Variants in PPP6R1 observed in about 807,000 individuals in gnomAD.
PPP6R1 encodes serine/threonine-protein phosphatase 6 regulatory subunit 1.
PPP6R1 carries 39 observed loss-of-function variants against 104.6 expected under a neutral mutation model. That is an observed-to-expected ratio of 0.37 (90% CI 0.29 to 0.49). The LOEUF (loss-of-function observed/expected upper bound fraction) is 0.49. Ranked by LOEUF, PPP6R1 falls within the 20% of genes least tolerant of loss-of-function variation. The pLI, the probability that PPP6R1 is intolerant of heterozygous loss-of-function variation, is 0.98. For missense variants in PPP6R1, 1,181 were observed against 1,155.8 expected (o/e 1.02, Z -0.32); for synonymous variants, 549 against 479.0 (o/e 1.15, Z -1.91).
At chr19:55,246,828 T>G (rs1600113775) in intron 2 of PPP6R1, 49 bp downstream of exon 2, 2 of 1,433,000 alleles carry the variant, frequency 1.4e-6, no homozygotes, top group East Asian at 2.5e-5. Flanking sequence ...GTAGTGAAGG[T>G]ATGTGTGATG....
At chr19:55,249,027 T>C (rs2087532798) in intron 1 of PPP6R1, among the ~76,000 whole-genome samples, 1 of 152,182 alleles carries the variant, frequency 6.6e-6, no homozygotes, top group African/African-American at 2.4e-5. Flanking sequence ...AATCTTGATA[T>C]AACACTATAT....
chr19:55,251,397 G>A (rs1382609333), intron 1 of PPP6R1, among the ~76,000 whole-genome samples: 2 of 152,158 alleles, frequency 1.3e-5, no homozygotes, highest in African/African-American at 4.8e-5. Context: ...CAGGCAGGAG[G>A]CTGCCGTACC....
rs561193762 is a variant in PPP6R1, at chr19:55,244,854, C to T, written c.618+266G>A. ...TGACCTCCCGGCTCAAGCAATCCTCCTACCTGAGCTTCCCAAGTAGCTGGG... is the reference window on the plus strand; with the variant it reads ...TGACCTCCCGGCTCAAGCAATCCTCTTACCTGAGCTTCCCAAGTAGCTGGG... On this transcript the variant is annotated intron_variant, in intron 5 of 23. Coordinates refer to ENST00000412770, the MANE Select transcript of PPP6R1 (RefSeq NM_014931.4). Among the ~76,000 whole-genome samples, 7 of 152,210 alleles carry T rather than the reference C, an allele frequency of 4.6e-5. No homozygotes were observed. The East Asian group carries it at 1.4e-3, about 29-fold the overall frequency.
chr19:55,235,819 ATT>A (rs568029383), intron 17 of PPP6R1, among the ~76,000 whole-genome samples: 1 of 137,818 alleles, frequency 7.3e-6, no homozygotes, highest in African/African-American at 2.7e-5. Flanking sequence ...TGCCCGGCTG[ATT>A]TTTTTTAATT....
intron 1 of PPP6R1, among the ~76,000 whole-genome samples, chr19:55,253,010 G>A (rs1380534300): frequency 1.3e-5 from 2 of 152,230 alleles, no homozygotes; most frequent in African/African-American, 4.8e-5. Context: ...CAGCCTGGCA[G>A]AGCTGAAGCT....
At chr19:55,242,119 C>T (rs1481482135) in intron 7 of PPP6R1, 47 bp downstream of exon 7, 12 of 1,561,646 alleles carry the variant, frequency 7.7e-6, no homozygotes, top group African/African-American at 1.4e-5. Flanking sequence ...GGCCGGAGAG[C>T]CCCTGGGGAT....
At position 55,230,417 on chromosome 19, in the gene PPP6R1, G is replaced by T; in HGVS notation, c.*111C>A. 3 of 1,484,100 alleles carry T rather than the reference G, an allele frequency of 2.0e-6. No individual in the cohort carries two copies. The highest frequency in any genetic ancestry group is 4.7e-5 in the East Asian group (2 of 42,452). The allele number at this position is 1,484,100 out of a possible 1,614,324, so 91.9% of individuals were successfully genotyped here. ...TGGGGGTCCAGAGGAGAGAATGTGG[G>T]GGTGTCAGGGTGATGAGGGCAATGG... On this transcript the variant is annotated 3_prime_UTR_variant, in exon 24 of 24. Transcript: ENST00000412770.
At chr19:55,239,181 C>T (rs2087425635) in intron 15 of PPP6R1, 2 of 567,652 alleles carry the variant, frequency 3.5e-6, no homozygotes, top group Non-Finnish European at 6.4e-6. Context: ...TGGCCTGCCT[C>T]TCGGAGAGAA....
chr19:55,240,185 C>T (rs2087439141), intron 11 of PPP6R1, 51 bp downstream of exon 11: 1 of 1,564,700 alleles, frequency 6.4e-7, no homozygotes, highest in African/African-American at 1.4e-5. Context: ...GCCCGGCCCC[C>T]CATCCAGGCA....
At chr19:55,234,441 G>A (rs2087376735) in intron 17 of PPP6R1, among the ~76,000 whole-genome samples, 1 of 152,206 alleles carries the variant, frequency 6.6e-6, no homozygotes. Flanking sequence ...AACAACTGGT[G>A]CAGGGAAAAC....
chr19:55,256,992 C>T lies in PPP6R1; in HGVS notation c.-7+1443G>A, dbSNP rs141573105. On this transcript the variant is annotated intron_variant, in intron 1 of 23. Transcript: ENST00000412770. ...GTCCAAGGTCTCGCTTGGCAGAAGC[C>T]GGACTCGGCCTAGGTCTGTCTGGCA... 2.6e-5 allele frequency among the ~76,000 whole-genome samples: 4 copies of T among 151,718 alleles called. No homozygotes were observed. In the East Asian group the frequency reaches 7.8e-4, roughly 29 times the overall value.
chr19:55,247,040 G>A lies in PPP6R1; in HGVS notation c.64C>T (p.Leu22=), dbSNP rs2087515277. The A allele has an allele frequency of 1.2e-6, 2 of 1,613,718 alleles. No homozygotes were observed. Among genetic ancestry groups the A allele is most frequent in the East Asian group, 2.2e-5 (1 of 44,886 alleles). Reference sequence around the variant, plus strand: ...TCGTCCAGCAGCTCGGGCAGGCTCAGGTCCTCCCGCTCCAGCAGCGTGTCC... The same window carrying A: ...TCGTCCAGCAGCTCGGGCAGGCTCAAGTCCTCCCGCTCCAGCAGCGTGTCC... ...HLDTLLERED[L]SLPELLDEED... The change falls in exon 2 of 24, where the codon CTG becomes TTG. Residue 22 remains leucine (L), a synonymous_variant. Coordinates refer to ENST00000412770, the MANE Select transcript of PPP6R1 (RefSeq NM_014931.4).
rs2087514797 is a variant in PPP6R1 at position 55,247,011 on chromosome 19, T to C, written c.93A>G (p.Glu31=). 2 of 1,613,880 alleles carry C rather than the reference T, an allele frequency of 1.2e-6. No homozygotes were observed. The highest frequency in any genetic ancestry group is 3.3e-5 in the Admixed American group (2 of 60,028). ...DLSLPELLDE[E]DVLQECKVVN... ...CGACCTTGCACTCCTGCAGCACGTC[T>C]TCCTCGTCCAGCAGCTCGGGCAGGC... Residue 31 remains glutamate (E), a synonymous_variant, in exon 2 of 24, where the codon GAA becomes GAG. Coordinates refer to ENST00000412770, the MANE Select transcript of PPP6R1 (RefSeq NM_014931.4).
chr19:55,252,473 A>G (rs569947314), intron 1 of PPP6R1, among the ~76,000 whole-genome samples: 4 of 147,772 alleles, frequency 2.7e-5, no homozygotes, highest in African/African-American at 1.0e-4. Flanking sequence ...ATCTCGGCTC[A>G]CTGCAATCTC....
Position 55,245,174 on chromosome 19 carries a change from C to T in PPP6R1, c.564G>A (p.Glu188=), listed in dbSNP as rs756342871. 3 of 1,613,128 alleles carry T rather than the reference C, an allele frequency of 1.9e-6. No individual in the cohort carries two copies. The highest frequency in any genetic ancestry group is 2.5e-6 in the Non-Finnish European group (3 of 1,179,626). Residue 188 remains glutamate (E), a synonymous_variant, in exon 5 of 24, where the codon GAG becomes GAA. Transcript: ENST00000412770. The surrounding 1 kb of genome is among the most constrained non-coding windows in gnomAD (Gnocchi z 6.4). ...CAATCAGCCGCTGGACGATCTTCTC[C>T]TCGTTGAGCCACTGAGGGTGAGAAG... is the stretch of plus-strand genomic sequence containing the variant. ...LRQDVVNWLN[E]EKIVQRLIEQ...
At chr19:55,244,576 C>T (rs535844532) in intron 5 of PPP6R1, among the ~76,000 whole-genome samples, 1 of 152,322 alleles carries the variant, frequency 6.6e-6, no homozygotes, top group South Asian at 2.1e-4. Context: ...ATGAGGAGGG[C>T]CCCTCCCTGC....
Position 55,241,086 on chromosome 19 carries a change from G to A in PPP6R1, c.1162-7C>T. ...CATAATGGAAGAAGAGGTCCTATGGGAGGACACAGGATTGGTACCAGAGAG... is the reference window on the plus strand; with the variant it reads ...CATAATGGAAGAAGAGGTCCTATGGAAGGACACAGGATTGGTACCAGAGAG... On this transcript the variant is annotated splice_region_variant and splice_polypyrimidine_tract_variant and intron_variant, in intron 9 of 23. Transcript: ENST00000412770. The surrounding 1 kb of genome is among the most constrained non-coding windows in gnomAD (Gnocchi z 5.4). The A allele has an allele frequency of 1.3e-6, 2 of 1,549,762 alleles. No homozygotes were observed. The highest frequency in any genetic ancestry group is 2.4e-5 in the East Asian group (1 of 40,900).
chr19:55,236,878 C>T (rs1326980465), intron 16 of PPP6R1, 35 bp downstream of exon 16: 1 of 1,610,872 alleles, frequency 6.2e-7, no homozygotes, highest in Non-Finnish European at 8.5e-7. Flanking sequence ...CACACCCCTC[C>T]ACCCGCCACA....
chr19:55,240,872 G>A (rs1292541411), intron 10 of PPP6R1, 73 bp downstream of exon 10: 2 of 1,538,952 alleles, frequency 1.3e-6, no homozygotes, highest in African/African-American at 1.4e-5. Context: ...AGGAGTGAGG[G>A]GTAGGCCTCT....
Sources: gnomAD v4.1 joint callset for allele counts (sites outside exome capture counted in the v4.1 genomes callset) on GRCh38, gnomAD v4.1.1 for gene constraint, Gnocchi (gnomAD v3.1) non-coding constraint, MANE v1.5 for transcripts, NCBI Gene and HGNC (gene_info 2026-07-23, HGNC 2026-07-21) for gene names.